Variants in ADGRA2 observed in about 807,000 individuals in gnomAD.
The protein encoded by ADGRA2 is G-protein coupled receptor 124.
ADGRA2 carries 61 observed loss-of-function variants against 98.7 expected under a neutral mutation model. The ratio of observed to expected loss-of-function variants is 0.62; its 90% CI spans 0.50 to 0.76. The LOEUF (loss-of-function observed/expected upper bound fraction) is 0.76. Among genes scored for constraint, ADGRA2 ranks in the 30% least tolerant of loss-of-function variants. The pLI is 0.00. For synonymous variants in ADGRA2, 858 were observed against 831.5 expected (o/e 1.03, Z -0.55); for missense variants, 1,712 against 1,860.0 (o/e 0.92, Z 1.46).
intron 8 of ADGRA2, among the ~76,000 whole-genome samples, chr8:37,832,200 G>T (rs1805476922): frequency 6.6e-6 from 1 of 151,424 alleles, no homozygotes; most frequent in Admixed American, 6.6e-5. Flanking sequence ...TAGCTGGCCT[G>T]TGCCACCATG....
rs749671655 is a variant in ADGRA2, at chr8:37,830,324, A to G, written c.718+310A>G. On this transcript the variant is annotated intron_variant, in intron 6 of 18. Transcript: ENST00000412232. The surrounding 1 kb of genome is among the most constrained non-coding windows in gnomAD (Gnocchi z 4.8). ...GCGACCCTCCCTGTGAGGCGGGGCC[A>G]GTGTTATTCTCCCTACTCCGCCTAT... is the stretch of plus-strand genomic sequence containing the variant. Among the ~76,000 whole-genome samples, 1 of 152,166 alleles carries G rather than the reference A, an allele frequency of 6.6e-6. No homozygotes were observed. The highest frequency in any genetic ancestry group is 6.5e-5 in the Admixed American group (1 of 15,272).
In ADGRA2 at chr8:37,841,894, C is replaced by T; in HGVS notation, c.3556C>T (p.Arg1186Trp). 1 of 1,534,332 alleles carries T rather than the reference C, an allele frequency of 6.5e-7. No individual in the cohort carries two copies. ...VHHGRRAHKS[R>W]AKGHRAGEAC... ...CCACGGGCGTCGGGCGCACAAGAGC[C>T]GGGCCAAGGGACACCGCGCGGGGGA... Residue 1186 changes from arginine (R) to tryptophan (W), a missense_variant, in exon 19 of 19, where the codon CGG (arginine) becomes TGG (tryptophan). Coordinates refer to ENST00000412232, the MANE Select transcript of ADGRA2 (RefSeq NM_032777.10). The surrounding 1 kb of genome is among the most constrained non-coding windows in gnomAD (Gnocchi z 5.0).
chr8:37,812,399 G>T (rs1010253329), intron 1 of ADGRA2, among the ~76,000 whole-genome samples: 12 of 152,214 alleles, frequency 7.9e-5, no homozygotes, highest in South Asian at 2.1e-4. Flanking sequence ...AGCCCGAGGC[G>T]GGTGGATCAC....
intron 5 of ADGRA2, 54 bp from the exon 6 acceptor site, chr8:37,829,797 C>T: frequency 6.4e-7 from 1 of 1,557,900 alleles, no homozygotes; most frequent in South Asian, 1.2e-5. Flanking sequence ...CCAGGCCACC[C>T]ATGAGCCCAC....
In ADGRA2 at chr8:37,816,135, A is replaced by G. The variant is rs74302878; in HGVS notation, c.338+1168A>G. ...AAACAATGCCATGTATACTAGAATTAAGTATATTGGGGTCTGGGCGTGGTG... is the reference window on the plus strand; with the variant it reads ...AAACAATGCCATGTATACTAGAATTGAGTATATTGGGGTCTGGGCGTGGTG... On this transcript the variant is annotated intron_variant, in intron 2 of 18. Transcript: ENST00000412232. 7.3e-3 allele frequency among the ~76,000 whole-genome samples: 1,119 copies of G among 152,312 alleles called. 16 individuals are homozygous for G. The highest frequency in any genetic ancestry group is 0.072 in the East Asian group (373 of 5,176).
In ADGRA2 at chr8:37,840,793, T is replaced by A. The variant is rs768064702; in HGVS notation, c.2691T>A (p.Ile897=). 2.5e-6 allele frequency: 4 copies of A among 1,608,654 alleles called. No homozygotes were observed. The highest frequency in any genetic ancestry group is 3.4e-6 in the Non-Finnish European group (4 of 1,175,500). The part of the protein sequence containing the change: ...FYLIAGGIPL[I]ICGITAAVNI... ...TGATCGCTGGAGGGATTCCACTCAT[T>A]ATCTGTGGCATCACAGCTGCAGTCA... Residue 897 remains isoleucine, a synonymous_variant, in exon 18 of 19, where the codon ATT becomes ATA. Transcript: ENST00000412232.
In ADGRA2 at chr8:37,834,092, G is replaced by A. The variant is rs1414824741; in HGVS notation, c.1572G>A (p.Gly524=). Residue 524 remains glycine, a synonymous_variant, in exon 11 of 19, where the codon GGG becomes GGA. Transcript: ENST00000412232. This position sits in a 1 kb window ranked among gnomAD's most constrained non-coding sequence, Gnocchi z 4.2. ...RIVGALERIG[G]AALSPHAQHI... Reference sequence around the variant, plus strand: ...TGGGTGCCCTGGAGCGCATTGGGGGGGCCGCCCTCAGCCCCCATGCCCAGC... The same window carrying A: ...TGGGTGCCCTGGAGCGCATTGGGGGAGCCGCCCTCAGCCCCCATGCCCAGC... The A allele has an allele frequency of 3.1e-6, 5 of 1,612,392 alleles. No homozygotes were observed. Among genetic ancestry groups the A allele is most frequent in the Non-Finnish European group, 3.4e-6 (4 of 1,179,858 alleles).
intron 2 of ADGRA2, among the ~76,000 whole-genome samples, chr8:37,817,076 G>A (rs369001302): frequency 6.6e-6 from 1 of 152,122 alleles, no homozygotes; most frequent in Non-Finnish European, 1.5e-5. Flanking sequence ...ATGGTGTTGA[G>A]ATCTCTCATC....
chr8:37,835,504 AG>A, intron 12 of ADGRA2, 49 bp from the exon 13 acceptor site: 1 of 1,496,732 alleles, frequency 6.7e-7, no homozygotes, highest in Non-Finnish European at 9.3e-7. Flanking sequence ...GCAAGACATC[AG>A]TGCTCTAGGG....
At chr8:37,806,812 G>C (rs1804684545) in intron 1 of ADGRA2, among the ~76,000 whole-genome samples, 2 of 152,080 alleles carry the variant, frequency 1.3e-5, no homozygotes, top group South Asian at 4.1e-4. Flanking sequence ...TTACAGATGT[G>C]AGCCACTGCG....
chr8:37,820,561 C>T (rs182316791), intron 2 of ADGRA2, among the ~76,000 whole-genome samples: 13 of 152,368 alleles, frequency 8.5e-5, no homozygotes, highest in African/African-American at 2.9e-4. Context: ...ATCCCTCTGT[C>T]CTGTCAAACT....
chr8:37,828,658 T>G (rs1805357624), intron 2 of ADGRA2, among the ~76,000 whole-genome samples: 1 of 132,732 alleles, frequency 7.5e-6, no homozygotes, highest in Non-Finnish European at 1.6e-5. Context: ...TTTTTTTTTT[T>G]GTATTTTTAG....
At chr8:37,815,480 C>A (rs1804953013) in intron 2 of ADGRA2, among the ~76,000 whole-genome samples, 2 of 152,244 alleles carry the variant, frequency 1.3e-5, no homozygotes, top group South Asian at 2.1e-4. Context: ...GCAGTGGCAG[C>A]CTTCAGGCTG....
At position 37,841,191 on chromosome 8, in the gene ADGRA2, G is replaced by A; in HGVS notation, c.2853G>A (p.Arg951=). The change falls in exon 19 of 19, where the codon CGG becomes CGA. Residue 951 remains arginine (R), a synonymous_variant. Transcript: ENST00000412232. This position sits in a 1 kb window ranked among gnomAD's most constrained non-coding sequence, Gnocchi z 5.0. ...TCCTGTGCGCCGGGCTACGCTTACG[G>A]GGTCCTCTGGCACAGAACCCCAAGG... ...IYFLCAGLRL[R]GPLAQNPKAG... is the part of the protein sequence containing the mutation. 1.9e-6 allele frequency: 3 copies of A among 1,613,468 alleles called. No individual in the cohort carries two copies. The East Asian group carries it at 6.7e-5, about 36-fold the overall frequency.
chr8:37,839,411 GC>G, intron 15 of ADGRA2, 87 bp from the exon 16 acceptor site: 2 of 1,561,346 alleles, frequency 1.3e-6, no homozygotes, highest in Non-Finnish European at 8.7e-7. Context: ...ATATGTGCCT[GC>G]CCCCCGTGGC....
rs542803172 is a variant in ADGRA2, at chr8:37,800,308, G to A, written c.266+2774G>A. On this transcript the variant is annotated intron_variant, in intron 1 of 18. Transcript: ENST00000412232. ...GTGGCTGGCAGTTGATGGGACTCCG[G>A]AGAAGGTGAGCTGCACAGAAGCAAA... 5.6e-4 allele frequency among the ~76,000 whole-genome samples: 85 copies of A among 152,340 alleles called. 1 individual carries two copies. Among genetic ancestry groups the A allele is most frequent in the Middle Eastern group, 3.4e-3 (1 of 294 alleles).
intron 2 of ADGRA2, among the ~76,000 whole-genome samples, chr8:37,825,813 C>A (rs998541696): frequency 5.9e-5 from 9 of 152,194 alleles, no homozygotes; most frequent in African/African-American, 2.2e-4. Flanking sequence ...CCCATGGGTC[C>A]TTCAGGCTCT....
At chr8:37,836,961 T>C (rs1445362481) in intron 13 of ADGRA2, among the ~76,000 whole-genome samples, 1 of 152,232 alleles carries the variant, frequency 6.6e-6, no homozygotes, top group Non-Finnish European at 1.5e-5. Context: ...GGGACACACC[T>C]GTGCACAGAC....
At chr8:37,829,039 CTTCCTCTCA>C in intron 3 of ADGRA2, 80 bp downstream of exon 3, 2 of 991,404 alleles carry the variant, frequency 2.0e-6, no homozygotes, top group South Asian at 1.7e-5. Context: ...TGCCCACCCC[CTTCCTCTCA>C]CCCCCCCACA....
Sources: allele counts gnomAD v4.1 joint callset (sites outside exome capture counted in the v4.1 genomes callset), GRCh38; gene constraint gnomAD v4.1.1; non-coding constraint Gnocchi (gnomAD v3.1); transcripts MANE v1.5; gene names NCBI Gene and HGNC (gene_info 2026-07-23, HGNC 2026-07-21).